Variants in KCNQ3 observed in about 807,000 individuals in gnomAD.
The protein encoded by KCNQ3 is potassium voltage-gated channel subfamily KQT member 3.
Under a neutral mutation model 92.5 loss-of-function variants are expected in KCNQ3, and 30 were observed. The ratio of observed to expected loss-of-function variants is 0.32; its 90% CI spans 0.24 to 0.44. The LOEUF is 0.44. Ranked by LOEUF, KCNQ3 falls within the 20% of genes least tolerant of loss-of-function variation. KCNQ3 has a pLI of 1.00. For missense variants in KCNQ3, 913 were observed against 1,140.3 expected (o/e 0.80, Z 2.87); for synonymous variants, 450 against 468.8 (o/e 0.96, Z 0.52).
At chr8:132,141,918 T>A (rs577606919) in intron 9 of KCNQ3, among the ~76,000 whole-genome samples, 1 of 152,338 alleles carries the variant, frequency 6.6e-6, no homozygotes, top group South Asian at 2.1e-4. Context: ...CTTTCCAGTA[T>A]GAATGTGGGC....
chr8:132,291,237 G>A (rs1816826110), intron 1 of KCNQ3, among the ~76,000 whole-genome samples: 1 of 152,160 alleles, frequency 6.6e-6, no homozygotes, highest in Non-Finnish European at 1.5e-5. Flanking sequence ...AACAATAAAT[G>A]TTAATTTCCT....
intron 1 of KCNQ3, among the ~76,000 whole-genome samples, chr8:132,406,195 A>C (rs183226745): frequency 1.3e-5 from 2 of 152,144 alleles, no homozygotes; most frequent in East Asian, 3.9e-4. Flanking sequence ...GTCAGAACAG[A>C]TGTTGGGCTT....
chr8:132,466,888 C>T (rs1822184919), intron 1 of KCNQ3, among the ~76,000 whole-genome samples: 1 of 152,166 alleles, frequency 6.6e-6, no homozygotes, highest in African/African-American at 2.4e-5. Context: ...TCTCTAAAGA[C>T]TCCTCAAAGG....
chr8:132,336,595 G>A (rs575092633), intron 1 of KCNQ3, among the ~76,000 whole-genome samples: 261 of 152,276 alleles, frequency 1.7e-3, no homozygotes, highest in Middle Eastern at 6.8e-3. Context: ...TGGGATCCAC[G>A]TGCCTAAACA....
At chr8:132,243,364 C>T (rs2130414549) in intron 1 of KCNQ3, among the ~76,000 whole-genome samples, 1 of 152,182 alleles carries the variant, frequency 6.6e-6, no homozygotes, top group African/African-American at 2.4e-5. Flanking sequence ...GGAATTATGC[C>T]CAATGCTTCC....
At chr8:132,443,822 C>T (rs776161337) in intron 1 of KCNQ3, among the ~76,000 whole-genome samples, 35 of 152,292 alleles carry the variant, frequency 2.3e-4, no homozygotes, top group Non-Finnish European at 4.4e-4. Context: ...CACTATGACC[C>T]TGGTCAGGTC....
intron 1 of KCNQ3, among the ~76,000 whole-genome samples, chr8:132,342,491 T>C (rs1053328213): frequency 3.3e-5 from 5 of 152,186 alleles, no homozygotes; most frequent in South Asian, 2.1e-4. Flanking sequence ...TGTGTTTTGT[T>C]GGGTTGACAA....
intron 1 of KCNQ3, among the ~76,000 whole-genome samples, chr8:132,418,184 G>A (rs1820871720): frequency 6.6e-6 from 1 of 152,160 alleles, no homozygotes; most frequent in Non-Finnish European, 1.5e-5. Context: ...ACGAAAACAA[G>A]GAGGAAACAA....
At chr8:132,447,312 C>T (rs1229274546) in intron 1 of KCNQ3, 5 of 1,420,036 alleles carry the variant, frequency 3.5e-6, no homozygotes, top group East Asian at 5.0e-5. Context: ...AATGGGCAGA[C>T]AAGGGTCAAG....
At chr8:132,153,763 C>CTCTT (rs1825708365) in intron 9 of KCNQ3, among the ~76,000 whole-genome samples, 2 of 151,970 alleles carry the variant, frequency 1.3e-5, no homozygotes, top group African/African-American at 4.8e-5. Context: ...GGGTGAAAGC[C>CTCTT]TCTTTAACAC....
At chr8:132,284,107 C>A (rs1223616962) in intron 1 of KCNQ3, among the ~76,000 whole-genome samples, 1 of 152,148 alleles carries the variant, frequency 6.6e-6, no homozygotes, top group Non-Finnish European at 1.5e-5. Flanking sequence ...ACAAGGAGAT[C>A]CACTCTGCTG....
intron 1 of KCNQ3, among the ~76,000 whole-genome samples, chr8:132,440,830 A>T (rs756100820): frequency 6.6e-5 from 10 of 152,210 alleles, no homozygotes; most frequent in Non-Finnish European, 1.3e-4. Context: ...CAAAATACAT[A>T]GCCCAGCCCT....
At chr8:132,159,346 C>A (rs978122613) in intron 9 of KCNQ3, among the ~76,000 whole-genome samples, 1 of 152,094 alleles carries the variant, frequency 6.6e-6, no homozygotes, top group African/African-American at 2.4e-5. Flanking sequence ...ACTGAGTATC[C>A]CACTTCAATC....
rs1820610147 is a variant in KCNQ3 at position 132,410,150 on chromosome 8, ATAAT to A, written c.386+69993_386+69996del. ...CTCAAAAAATATAATAAAAGATAAA[ATAAT>A]TAAGTGATGGGGTTGCTGTTTACTT... On this transcript the variant is annotated intron_variant, in intron 1 of 14. Coordinates refer to ENST00000388996, the MANE Select transcript of KCNQ3 (RefSeq NM_004519.4). Among the ~76,000 whole-genome samples the A allele has an allele frequency of 2.6e-5, 4 of 152,186 alleles. No individual in the cohort carries two copies. The South Asian group carries it at 8.3e-4, about 32-fold the overall frequency.
chr8:132,462,463 C>T (rs1489379528), intron 1 of KCNQ3, among the ~76,000 whole-genome samples: 1 of 152,234 alleles, frequency 6.6e-6, no homozygotes, highest in Non-Finnish European at 1.5e-5. Context: ...GCTGAAATTA[C>T]AGGCGTGAGC....
At chr8:132,343,070 C>T (rs1818582341) in intron 1 of KCNQ3, among the ~76,000 whole-genome samples, 1 of 152,236 alleles carries the variant, frequency 6.6e-6, no homozygotes, top group African/African-American at 2.4e-5. Context: ...GCACACAGCG[C>T]TTCAATCCAA....
intron 1 of KCNQ3, among the ~76,000 whole-genome samples, chr8:132,468,503 GGT>G (rs1372601559): frequency 6.6e-6 from 1 of 152,206 alleles, no homozygotes; most frequent in Non-Finnish European, 1.5e-5. Context: ...CCTGCCTTTG[GGT>G]AGGACACCAG....
intron 1 of KCNQ3, among the ~76,000 whole-genome samples, chr8:132,350,567 T>A (rs1432884735): frequency 6.6e-6 from 1 of 152,152 alleles, no homozygotes; most frequent in Non-Finnish European, 1.5e-5. Context: ...CTACCAAGGA[T>A]CCTGCCAACC....
chr8:132,300,265 G>A (rs548150847), intron 1 of KCNQ3, among the ~76,000 whole-genome samples: 1 of 152,306 alleles, frequency 6.6e-6, no homozygotes, highest in East Asian at 1.9e-4. Flanking sequence ...CTCCTGCAAG[G>A]GAAAGCCCTT....
Sources: gnomAD v4.1 joint callset for allele counts (sites outside exome capture counted in the v4.1 genomes callset) on GRCh38, gnomAD v4.1.1 for gene constraint, MANE v1.5 for transcripts, NCBI Gene and HGNC (gene_info 2026-07-23, HGNC 2026-07-21) for gene names.